The following CFAP47 variants were observed in gnomAD, a reference collection of about 807,000 sequenced individuals.
CFAP47 encodes cilia and flagella associated protein 47, also known as cilia- and flagella-associated protein 47.
CFAP47 carries 29 observed loss-of-function variants against 148.1 expected under a neutral mutation model. That is an observed-to-expected ratio of 0.20 (90% confidence interval 0.15 to 0.27). The LOEUF is 0.27. Ranked by LOEUF, CFAP47 falls within the 10% of genes least tolerant of loss-of-function variation. The probability of loss-of-function intolerance (pLI) is 1.00; values close to 1 mark genes in which losing one functional copy is unlikely to be tolerated. For missense variants in CFAP47, 1,872 were observed against 1,697.5 expected (o/e 1.10, Z -1.81); for synonymous variants, 664 against 577.3 (o/e 1.15, Z -2.15).
chrX:35,944,274 T>C (rs1936053803), intron 3 of CFAP47, among the ~76,000 whole-genome samples: 1 of 111,494 alleles, frequency 9.0e-6, no homozygotes, highest in African/African-American at 3.3e-5. Context: ...ATAATTCTTG[T>C]CTTCAATTTT....
chrX:36,263,347 T>C (rs2146932150), intron 49 of CFAP47, among the ~76,000 whole-genome samples: 1 of 112,065 alleles, frequency 8.9e-6, no homozygotes, highest in East Asian at 2.8e-4. Context: ...CCTTTGGGAG[T>C]TTGATTATTA....
intron 46 of CFAP47, among the ~76,000 whole-genome samples, chrX:36,231,277 T>C (rs1272544960): frequency 3.7e-5 from 4 of 107,757 alleles, no homozygotes; most frequent in African/African-American, 6.9e-5. Context: ...TTGTATCCTC[T>C]TTTATTTCCT....
chrX:35,988,619 A>G (rs966380705), intron 15 of CFAP47, among the ~76,000 whole-genome samples: 2 of 111,959 alleles, frequency 1.8e-5, no homozygotes, highest in Admixed American at 1.9e-4. Flanking sequence ...TTCATTCCGT[A>G]TCCTGTGCCT....
chrX:36,221,681 G>T (rs1339946452), intron 45 of CFAP47, among the ~76,000 whole-genome samples: 1 of 111,022 alleles, frequency 9.0e-6, no homozygotes, highest in African/African-American at 3.3e-5. Context: ...TCATAAAATA[G>T]TTGGCATAGA....
In CFAP47 at chrX:35,951,340, A is replaced by G. The variant is rs1936162679; in HGVS notation, c.866A>G (p.Asp289Gly). The change falls in exon 5 of 64, where the codon GAT becomes GGT. Residue 289 changes from aspartate to glycine, a missense_variant. By Grantham distance (94) the Asp-to-Gly change is moderately conservative. Coordinates refer to ENST00000378653, the MANE Select transcript of CFAP47 (RefSeq NM_001304548.2). ...PINWVAIIQDDAVGEELGTDI... is the reference protein window; with the variant it reads ...PINWVAIIQDGAVGEELGTDI... ...AATTGGGTGGCCATCATACAAGATG[A>G]TGCCGTGGGAGAAGAATTGGTAAGT... 8.4e-7 allele frequency: 1 copy of G among 1,185,446 alleles called. No homozygotes were observed. Among genetic ancestry groups the G allele is most frequent in the African/African-American group, 1.8e-5 (1 of 56,693 alleles).
intron 33 of CFAP47, among the ~76,000 whole-genome samples, chrX:36,120,450 C>T (rs1250263476): frequency 9.0e-6 from 1 of 111,066 alleles, no homozygotes; most frequent in African/African-American, 3.3e-5. Flanking sequence ...TTTTAGTATG[C>T]ATCGTTAGGT....
intron 10 of CFAP47, among the ~76,000 whole-genome samples, chrX:35,970,169 A>AT (rs368164359): frequency 1.9e-5 from 2 of 107,873 alleles, no homozygotes; most frequent in Admixed American, 2.0e-4. Flanking sequence ...ATACTTGCAC[A>AT]TTTTTTTTAA....
At chrX:36,251,472 T>C in intron 49 of CFAP47, 28 bp downstream of exon 49, 1 of 468,198 alleles carries the variant, frequency 2.1e-6, no homozygotes, top group South Asian at 3.1e-5. Flanking sequence ...AAAATATTAG[T>C]CATTTTCCTA....
In CFAP47 at chrX:36,234,925, C is replaced by G. The variant is rs1464363804; in HGVS notation, c.7015-1009C>G. Among the ~76,000 whole-genome samples, 5 of 111,596 alleles carry G rather than the reference C, an allele frequency of 4.5e-5. No homozygotes were observed. In the Admixed American group the frequency reaches 4.8e-4, roughly 11 times the overall value. On this transcript the variant is annotated intron_variant, in intron 46 of 63. Transcript: ENST00000378653. Reference sequence around the variant, plus strand: ...GGTACCAGCAGCGGTGGCTGCAGAACAGTGGATTTTCGTGAACTGCGAATG... The same window carrying G: ...GGTACCAGCAGCGGTGGCTGCAGAAGAGTGGATTTTCGTGAACTGCGAATG...
chrX:36,053,858 G>A (rs1435149292), intron 26 of CFAP47, among the ~76,000 whole-genome samples: 2 of 112,146 alleles, frequency 1.8e-5, no homozygotes, highest in African/African-American at 6.5e-5. Flanking sequence ...AACTGTCAAG[G>A]TAATATTTAC....
chrX:36,117,442 C>A (rs1230451561), intron 33 of CFAP47, among the ~76,000 whole-genome samples: 1 of 111,928 alleles, frequency 8.9e-6, no homozygotes, highest in Non-Finnish European at 1.9e-5. Flanking sequence ...TGGATAAAAG[C>A]CATTTTAACT....
Position 36,205,120 on chromosome X carries a change from G to A in CFAP47, c.6817+10G>A, listed in dbSNP as rs1940025649. 1.0e-5 allele frequency: 3 copies of A among 295,868 alleles called. No homozygotes were observed. Among genetic ancestry groups the A allele is most frequent in the Non-Finnish European group, 1.8e-5 (3 of 169,140 alleles). The allele number at this position is 295,868 out of a possible 1,213,427, so 24.4% of individuals were successfully genotyped here. A position where few individuals can be genotyped will look rare whatever the true frequency, so the allele number is the denominator to read the frequency against. On this transcript the variant is annotated intron_variant, in intron 45 of 63. Transcript: ENST00000378653. Reference sequence around the variant, plus strand: ...CTTTCAAAAGCAAAAGGTAATCAGTGATGTGCGGCCTAAAAATCTAAGTGT... The same window carrying A: ...CTTTCAAAAGCAAAAGGTAATCAGTAATGTGCGGCCTAAAAATCTAAGTGT...
chrX:35,957,207 CAAAA>C (rs371147219), intron 8 of CFAP47, among the ~76,000 whole-genome samples: 2 of 33,707 alleles, frequency 5.9e-5, no homozygotes, highest in Non-Finnish European at 6.8e-5. Context: ...GACTCCATCT[CAAAA>C]AAAAAAAAAA....
intron 40 of CFAP47, among the ~76,000 whole-genome samples, chrX:36,180,416 A>C (rs944589619): frequency 6.3e-5 from 7 of 111,819 alleles, no homozygotes; most frequent in Non-Finnish European, 1.3e-4. Context: ...GACCATTACT[A>C]CTATGTTTTT....
chrX:36,054,999 C>A (rs1353820791), intron 26 of CFAP47, among the ~76,000 whole-genome samples: 1 of 109,512 alleles, frequency 9.1e-6, no homozygotes, highest in Non-Finnish European at 1.9e-5. Context: ...GTCTCGATCT[C>A]CTGACCTCAT....
chrX:36,164,305 C>A (rs766816644), intron 39 of CFAP47, among the ~76,000 whole-genome samples: 1 of 111,494 alleles, frequency 9.0e-6, no homozygotes, highest in East Asian at 2.8e-4. Context: ...TTGATCTGTT[C>A]ATTTCTCCCT....
intron 30 of CFAP47, among the ~76,000 whole-genome samples, chrX:36,089,775 G>A (rs1371872521): frequency 2.7e-5 from 3 of 111,578 alleles, no homozygotes; most frequent in Admixed American, 9.6e-5. Flanking sequence ...ACAAACCCCC[G>A]TGATACAAGT....
At chrX:36,384,727 T>G in intron 63 of CFAP47, 70 bp from the exon 64 acceptor site, 2 of 779,842 alleles carry the variant, frequency 2.6e-6, no homozygotes, top group Admixed American at 2.8e-5. Context: ...TTAATTATAG[T>G]GAACTTTTCC....
intron 33 of CFAP47, among the ~76,000 whole-genome samples, chrX:36,132,258 C>T (rs761950137): frequency 4.9e-4 from 54 of 110,916 alleles, no homozygotes; most frequent in Non-Finnish European, 6.8e-4. Context: ...ACATAACTTC[C>T]CAATTAAAAA....
Sources: gnomAD v4.1 joint callset for allele counts (sites outside exome capture counted in the v4.1 genomes callset) on GRCh38, gnomAD v4.1.1 for gene constraint, MANE v1.5 for transcripts, NCBI Gene and HGNC (gene_info 2026-07-23, HGNC 2026-07-21) for gene names.